Variants in PLSCR2 observed in about 807,000 individuals in gnomAD.
PLSCR2 encodes the protein phospholipid scramblase 2.
A neutral mutation model predicts 25.3 loss-of-function variants in PLSCR2; 18 were observed. The ratio of observed to expected loss-of-function variants is 0.71; its 90% CI spans 0.49 to 1.06. The LOEUF (loss-of-function observed/expected upper bound fraction) is 1.06, where lower values mean the gene tolerates loss of function less well. Ranked by LOEUF, PLSCR2 falls within the 50% of genes least tolerant of loss-of-function variation. The pLI is 0.00. For missense variants in PLSCR2, 243 were observed against 269.5 expected (o/e 0.90, Z 0.69); for synonymous variants, 88 against 87.3 (o/e 1.01, Z -0.04).
intron 5 of PLSCR2, among the ~76,000 whole-genome samples, chr3:146,452,150 T>A (rs7653701): frequency 0.57 from 87,018 of 151,830 alleles, 25,418 homozygotes; most frequent in South Asian, 0.76. Context: ...GTCTGCATTA[T>A]CTACAGGTGA....
chr3:146,395,637 A>G (rs1474628470), intron 3 of PLSCR2: 1 of 156,196 alleles, frequency 6.4e-6, no homozygotes, highest in Non-Finnish European at 1.4e-5. Context: ...TCGGGGACTG[A>G]GGATGGCCAG....
chr3:146,459,456 T>G (rs1412265255), intron 2 of PLSCR2, among the ~76,000 whole-genome samples: 3 of 152,200 alleles, frequency 2.0e-5, no homozygotes, highest in African/African-American at 4.8e-5. Context: ...ATAACTGCTC[T>G]GGACCTCAGT....
intron 3 of PLSCR2, among the ~76,000 whole-genome samples, chr3:146,392,573 T>A (rs2038115280): frequency 6.6e-6 from 1 of 151,950 alleles, no homozygotes; most frequent in African/African-American, 2.4e-5. Flanking sequence ...CATAAGAACA[T>A]TAGTCCTTGG....
intron 8 of PLSCR2, among the ~76,000 whole-genome samples, chr3:146,435,688 G>C (rs558429217): frequency 6.6e-6 from 1 of 152,230 alleles, no homozygotes; most frequent in East Asian, 1.9e-4. Context: ...TGTCAGATGG[G>C]TAGATTGTAA....
Position 146,487,639 on chromosome 3 carries a change from G to T in PLSCR2, c.-293+8256C>A, listed in dbSNP as rs1297173412. Among the ~76,000 whole-genome samples the T allele has an allele frequency of 2.0e-5, 3 of 151,940 alleles. No individual in the cohort carries two copies. The East Asian group carries it at 5.8e-4, about 29-fold the overall frequency. The stretch of plus-strand genomic sequence containing the variant: ...GGGATGTGAAGGACATCTTCAAGAA[G>T]AACTACAAACCATTGCTCAAGGAAA... On this transcript the variant is annotated intron_variant, in intron 1 of 8. Transcript: ENST00000336685.
intron 2 of PLSCR2, among the ~76,000 whole-genome samples, chr3:146,458,715 T>C (rs1321018062): frequency 6.6e-6 from 1 of 152,034 alleles, no homozygotes; most frequent in Non-Finnish European, 1.5e-5. Flanking sequence ...CCTATAAAAG[T>C]TAGAAAACAA....
At chr3:146,471,047 GTT>G (rs11322846) in intron 1 of PLSCR2, among the ~76,000 whole-genome samples, 3 of 151,026 alleles carry the variant, frequency 2.0e-5, no homozygotes, top group South Asian at 2.1e-4. Flanking sequence ...TTGTTTTTTT[GTT>G]TTTTTTTTAC....
At chr3:146,495,902 G>A (rs1295823342) in exon 1 of PLSCR2, 2 of 1,535,244 alleles carry the variant, frequency 1.3e-6, no homozygotes, top group Non-Finnish European at 1.7e-6. Flanking sequence ...TACCTGGGAG[G>A]TGAATTTGAA....
At chr3:146,488,248 G>A (rs1394679099) in intron 1 of PLSCR2, among the ~76,000 whole-genome samples, 1 of 151,882 alleles carries the variant, frequency 6.6e-6, no homozygotes, top group Non-Finnish European at 1.5e-5. Flanking sequence ...TCTAGGCAAT[G>A]CCATTTAGGA....
At chr3:146,455,239 C>T (rs781247282) in exon 4 of PLSCR2, 1 of 1,606,380 alleles carries the variant, frequency 6.2e-7, no homozygotes, top group South Asian at 1.1e-5. Context: ...GCTCACATAC[C>T]TCCTGAAGGC....
intron 1 of PLSCR2, among the ~76,000 whole-genome samples, chr3:146,468,775 C>CA (rs1188312926): frequency 1.3e-5 from 2 of 151,932 alleles, no homozygotes; most frequent in African/African-American, 2.4e-5. Flanking sequence ...ATTCATGATT[C>CA]ATGTCCGTTG....
At chr3:146,429,304 T>C (rs75678247), downstream of PLSCR2, among the ~76,000 whole-genome samples, 14,368 of 152,200 alleles carry the variant, frequency 0.094, 950 homozygotes, top group African/African-American at 0.18. Flanking sequence ...TTTGGAACTC[T>C]TTAGGGACTT....
exon 6 of PLSCR2, chr3:146,449,222 C>G: frequency 6.2e-7 from 1 of 1,612,166 alleles, no homozygotes; most frequent in Non-Finnish European, 8.5e-7. Flanking sequence ...GAAACAGGCA[C>G]CAATCATCAC....
At chr3:146,423,346 G>C (rs1416056311) in intron 2 of PLSCR2, among the ~76,000 whole-genome samples, 1 of 143,096 alleles carries the variant, frequency 7.0e-6, no homozygotes, top group Non-Finnish European at 1.5e-5. Flanking sequence ...ATTTTAACTT[G>C]GAAGTAAAAT....
chr3:146,396,231 A>G (rs1178150426), intron 2 of PLSCR2, among the ~76,000 whole-genome samples: 3 of 152,168 alleles, frequency 2.0e-5, no homozygotes, highest in Non-Finnish European at 4.4e-5. Flanking sequence ...ATAAAATGAA[A>G]ACCACTAGCT....
At position 146,425,584 on chromosome 3, in the gene PLSCR2, G is replaced by T. The variant is rs116464512; in HGVS notation, c.101-29663C>A. Among the ~76,000 whole-genome samples the T allele has an allele frequency of 3.3e-3, 495 of 152,256 alleles. 4 individuals carry two copies. The highest frequency in any genetic ancestry group is 0.011 in the African/African-American group (472 of 41,562). On this transcript the variant is annotated intron_variant and NMD_transcript_variant, in intron 2 of 3. Transcript: ENST00000463633. ...AAATGTGGAAGTAGCTTTGGAATTT[G>T]GCAATGGGCCAGGCTGAAAGGATTC...
chr3:146,393,489 G>A (rs565471023), intron 3 of PLSCR2, among the ~76,000 whole-genome samples: 1 of 151,688 alleles, frequency 6.6e-6, no homozygotes, highest in Non-Finnish European at 1.5e-5. Flanking sequence ...ATATTTATTT[G>A]AGAAAAATGT....
At chr3:146,480,680 C>G (rs1376968017) in intron 1 of PLSCR2, among the ~76,000 whole-genome samples, 1 of 152,164 alleles carries the variant, frequency 6.6e-6, no homozygotes, top group Non-Finnish European at 1.5e-5. Flanking sequence ...ACCATTCCTT[C>G]TGAAACTATT....
rs1268627128 is a variant in PLSCR2 at position 146,468,889 on chromosome 3, A to G, written c.-292-8605T>C. 3.9e-5 allele frequency among the ~76,000 whole-genome samples: 6 copies of G among 152,218 alleles called. No homozygotes were observed. The South Asian group carries it at 6.2e-4, about 16-fold the overall frequency. On this transcript the variant is annotated intron_variant, in intron 1 of 8. Transcript: ENST00000336685. ...CTGTAGCTCATTTAATACTTACACA[A>G]TTTCAGAAATGAGGCAATGGAAAGA...
Sources: gnomAD v4.1 joint callset for allele counts (sites outside exome capture counted in the v4.1 genomes callset) on GRCh38, gnomAD v4.1.1 for gene constraint, MANE v1.5 for transcripts, NCBI Gene and HGNC (gene_info 2026-07-23, HGNC 2026-07-21) for gene names.